Variants in VAV3 observed in about 807,000 individuals in gnomAD.
VAV3 encodes the protein vav guanine nucleotide exchange factor 3, also known as guanine nucleotide exchange factor VAV3.
In VAV3, 94 loss-of-function variants were observed where a neutral mutation model predicts 131.2. The ratio of observed to expected loss-of-function variants is 0.72; its 90% CI spans 0.61 to 0.85. VAV3 has a LOEUF of 0.85. Ranked by LOEUF, VAV3 falls within the 40% of genes least tolerant of loss-of-function variation. The pLI is 0.00. For synonymous variants in VAV3, 349 were observed against 342.0 expected (o/e 1.02, Z -0.22); for missense variants, 939 against 1,002.7 (o/e 0.94, Z 0.86).
intron 15 of VAV3, among the ~76,000 whole-genome samples, chr1:107,716,060 A>G (rs1661072700): frequency 6.6e-6 from 1 of 152,202 alleles, no homozygotes; most frequent in Non-Finnish European, 1.5e-5. Flanking sequence ...CAAATTCTAA[A>G]ATGATTATGT....
At chr1:107,841,458 T>C (rs1668704965) in intron 2 of VAV3, among the ~76,000 whole-genome samples, 1 of 152,194 alleles carries the variant, frequency 6.6e-6, no homozygotes, top group South Asian at 2.1e-4. Flanking sequence ...AAAAGGCATC[T>C]ATAACAAGGA....
intron 15 of VAV3, among the ~76,000 whole-genome samples, chr1:107,744,524 T>C (rs1483865663): frequency 6.6e-6 from 1 of 152,242 alleles, no homozygotes; most frequent in African/African-American, 2.4e-5. Context: ...TACCTGTTTC[T>C]ACCACATGTG....
At chr1:107,649,870 C>G (rs1570683863) in intron 19 of VAV3, among the ~76,000 whole-genome samples, 1 of 152,028 alleles carries the variant, frequency 6.6e-6, no homozygotes, top group Non-Finnish European at 1.5e-5. Flanking sequence ...TCATAAAGCT[C>G]ATATTTTAGT....
intron 1 of VAV3, among the ~76,000 whole-genome samples, chr1:107,877,746 C>T (rs1004799560): frequency 6.6e-6 from 1 of 152,148 alleles, no homozygotes; most frequent in Non-Finnish European, 1.5e-5. Flanking sequence ...ATTACACATA[C>T]TGGAAATGTT....
At chr1:107,907,901 G>C (rs1163601592) in intron 1 of VAV3, among the ~76,000 whole-genome samples, 1 of 152,090 alleles carries the variant, frequency 6.6e-6, no homozygotes, top group Non-Finnish European at 1.5e-5. Context: ...CAGTAACAGA[G>C]TTTAGAAAGA....
At chr1:107,783,017 G>A (rs185883595) in intron 2 of VAV3, among the ~76,000 whole-genome samples, 2 of 152,272 alleles carry the variant, frequency 1.3e-5, no homozygotes, top group East Asian at 3.9e-4. Flanking sequence ...CAATCAACTA[G>A]AGTAAATCCA....
chr1:107,695,835 T>G (rs541282950), intron 17 of VAV3, among the ~76,000 whole-genome samples: 34 of 152,158 alleles, frequency 2.2e-4, no homozygotes, highest in Non-Finnish European at 3.4e-4. Context: ...AGGTAAGGCC[T>G]AAATGTGATG....
At chr1:107,589,419 C>G (rs1234853432) in intron 25 of VAV3, among the ~76,000 whole-genome samples, 1 of 152,164 alleles carries the variant, frequency 6.6e-6, no homozygotes, top group African/African-American at 2.4e-5. Flanking sequence ...AGCGGTGCAT[C>G]TATAAACCAA....
intron 24 of VAV3, among the ~76,000 whole-genome samples, chr1:107,597,747 T>C (rs964129009): frequency 3.3e-5 from 5 of 152,104 alleles, no homozygotes; most frequent in Admixed American, 6.5e-5. Context: ...ATAAGGGAAA[T>C]GGCAATTTTT....
intron 19 of VAV3, chr1:107,669,327 C>T: frequency 7.8e-7 from 1 of 1,289,682 alleles, no homozygotes; most frequent in Non-Finnish European, 1.0e-6. Context: ...TGGACACCAG[C>T]CTTGTCTGTC....
intron 15 of VAV3, among the ~76,000 whole-genome samples, chr1:107,711,539 C>T (rs1325503949): frequency 6.6e-6 from 1 of 152,142 alleles, no homozygotes; most frequent in African/African-American, 2.4e-5. Flanking sequence ...CAAGGACAAG[C>T]CAACCCTGTA....
chr1:107,923,363 C>T (rs1673009072), intron 1 of VAV3, among the ~76,000 whole-genome samples: 1 of 151,902 alleles, frequency 6.6e-6, no homozygotes, highest in Admixed American at 6.6e-5. Context: ...AAATCCTAAC[C>T]CTGAAGGTGA....
chr1:107,953,314 A>G lies in VAV3; in HGVS notation c.204+11352T>C, dbSNP rs574558430. On this transcript the variant is annotated intron_variant, in intron 1 of 26. Transcript: ENST00000370056. The stretch of plus-strand genomic sequence containing the variant: ...AGGCAGTGGGGAGAAGGAAGGAAAT[A>G]ATCTTACCAAGTACCCACCATGTAC... Among the ~76,000 whole-genome samples, 3 of 152,328 alleles carry G rather than the reference A, an allele frequency of 2.0e-5. No homozygotes were observed. In the East Asian group the frequency reaches 5.8e-4, roughly 29 times the overall value.
chr1:107,848,882 G>C (rs1571038742), intron 2 of VAV3, among the ~76,000 whole-genome samples: 1 of 152,068 alleles, frequency 6.6e-6, no homozygotes, highest in Non-Finnish European at 1.5e-5. Flanking sequence ...AAAGTCTCAG[G>C]ATACAAAATC....
intron 19 of VAV3, among the ~76,000 whole-genome samples, chr1:107,682,493 C>G (rs900487813): frequency 1.9e-4 from 29 of 151,894 alleles, no homozygotes; most frequent in Admixed American, 9.2e-4. Context: ...AAACCAGAAC[C>G]CCTGTTTTTT....
chr1:107,845,015 C>T (rs1442976580), intron 2 of VAV3, among the ~76,000 whole-genome samples: 1 of 152,182 alleles, frequency 6.6e-6, no homozygotes, highest in East Asian at 1.9e-4. Flanking sequence ...GAGTGGGAGA[C>T]ACCTCCCAGC....
At chr1:107,804,024 TTGAC>T (rs553540899) in intron 2 of VAV3, among the ~76,000 whole-genome samples, 72 of 152,248 alleles carry the variant, frequency 4.7e-4, no homozygotes, top group South Asian at 2.1e-3. Context: ...TCTAAAGTCT[TTGAC>T]TAATAATCTG....
At chr1:107,591,325 T>C (rs1650931817) in intron 25 of VAV3, among the ~76,000 whole-genome samples, 1 of 152,166 alleles carries the variant, frequency 6.6e-6, no homozygotes, top group Non-Finnish European at 1.5e-5. Context: ...GTTCACCAGA[T>C]TGTGTATCTT....
At chr1:107,768,885 A>T (rs912640947) in intron 6 of VAV3, among the ~76,000 whole-genome samples, 1 of 152,176 alleles carries the variant, frequency 6.6e-6, no homozygotes, top group Non-Finnish European at 1.5e-5. Flanking sequence ...TAGATCCCTG[A>T]GATCAATAAT....
Sources: gnomAD v4.1 joint callset for allele counts (sites outside exome capture counted in the v4.1 genomes callset) on GRCh38, gnomAD v4.1.1 for gene constraint, MANE v1.5 for transcripts, NCBI Gene and HGNC (gene_info 2026-07-23, HGNC 2026-07-21) for gene names.